KHDRBS2: variants seen among roughly 807,000 people sequenced by gnomAD.
The protein encoded by KHDRBS2 is KH domain-containing, RNA-binding, signal transduction-associated protein 2.
KHDRBS2 carries 26 observed loss-of-function variants against 44.3 expected under a neutral mutation model. The ratio of observed to expected loss-of-function variants is 0.59; its 90% CI spans 0.43 to 0.81. The LOEUF (loss-of-function observed/expected upper bound fraction) is 0.81. Ranked by LOEUF, KHDRBS2 falls within the 40% of genes least tolerant of loss-of-function variation. The pLI, the probability that KHDRBS2 is intolerant of heterozygous loss-of-function variation, is 0.00. For missense variants in KHDRBS2, 476 were observed against 433.1 expected, an observed-to-expected ratio of 1.10 and a Z score of -0.88; for synonymous variants, 194 against 151.1, an observed-to-expected ratio of 1.28 and a Z score of -2.08.
chr6:61,741,508 T>A (rs958534917), intron 6 of KHDRBS2, among the ~76,000 whole-genome samples: 11 of 151,990 alleles, frequency 7.2e-5, no homozygotes, highest in Non-Finnish European at 1.5e-4. Flanking sequence ...GGGGTACATG[T>A]TGACTTTTGT....
the KHDRBS2 span, among the ~76,000 whole-genome samples, chr6:61,558,101 T>C: frequency 6.6e-6 from 1 of 152,170 alleles, no homozygotes; most frequent in South Asian, 2.1e-4. Flanking sequence ...ACCTTTTGTG[T>C]TGTTTCCTTT....
At chr6:62,082,482 C>T (rs184612994) in intron 2 of KHDRBS2, among the ~76,000 whole-genome samples, 1 of 151,818 alleles carries the variant, frequency 6.6e-6, no homozygotes, top group Non-Finnish European at 1.5e-5. Flanking sequence ...CAGTGGATAC[C>T]CTTCTCCCTC....
the KHDRBS2 span, among the ~76,000 whole-genome samples, chr6:61,550,574 T>C: frequency 6.6e-6 from 1 of 152,130 alleles, no homozygotes; most frequent in African/African-American, 2.4e-5. Flanking sequence ...ATACTTAAAA[T>C]GGGATTGCTG....
intron 6 of KHDRBS2, among the ~76,000 whole-genome samples, chr6:61,848,480 T>C (rs866291426): frequency 9.9e-5 from 5 of 50,502 alleles, no homozygotes; most frequent in African/African-American, 3.9e-4. Context: ...TATATATATA[T>C]ATATATATAT....
At chr6:61,555,160 CT>C in the KHDRBS2 span, among the ~76,000 whole-genome samples, 1 of 152,244 alleles carries the variant, frequency 6.6e-6, no homozygotes, top group African/African-American at 2.4e-5. Context: ...TAAATTGGGT[CT>C]CTTTAAATAA....
chr6:61,980,549 A>G (rs1205073491), intron 3 of KHDRBS2, among the ~76,000 whole-genome samples: 2 of 152,214 alleles, frequency 1.3e-5, no homozygotes, highest in African/African-American at 4.8e-5. Context: ...TTCTTTATAA[A>G]AATTTGTTTT....
At chr6:61,795,936 G>T (rs1785288316) in intron 6 of KHDRBS2, among the ~76,000 whole-genome samples, 1 of 152,002 alleles carries the variant, frequency 6.6e-6, no homozygotes. Context: ...AAGAAAAAAA[G>T]AACAAAGAAC....
chr6:61,867,174 G>A (rs1260394741), intron 6 of KHDRBS2, among the ~76,000 whole-genome samples: 2 of 152,166 alleles, frequency 1.3e-5, no homozygotes, highest in African/African-American at 4.8e-5. Context: ...TAGGTTTAAT[G>A]GATTCACACT....
the KHDRBS2 span, among the ~76,000 whole-genome samples, chr6:61,625,365 T>C: frequency 4.7e-5 from 7 of 147,470 alleles, no homozygotes; most frequent in African/African-American, 7.6e-5. Flanking sequence ...GTGCAGAGAC[T>C]CTGAGGCATT....
At chr6:61,730,604 A>G (rs1774295678) in intron 7 of KHDRBS2, among the ~76,000 whole-genome samples, 2 of 152,120 alleles carry the variant, frequency 1.3e-5, no homozygotes, top group African/African-American at 4.8e-5. Context: ...GGGCAGAAAC[A>G]GATTATTCTC....
At chr6:61,970,557 G>A (rs1477746196) in intron 4 of KHDRBS2, among the ~76,000 whole-genome samples, 1 of 152,090 alleles carries the variant, frequency 6.6e-6, no homozygotes, top group Non-Finnish European at 1.5e-5. Flanking sequence ...TACTGAGAGA[G>A]AACACTTCAC....
intron 2 of KHDRBS2, among the ~76,000 whole-genome samples, chr6:62,056,962 A>T (rs1409543980): frequency 6.6e-6 from 1 of 151,936 alleles, no homozygotes; most frequent in African/African-American, 2.4e-5. Context: ...ATTGAAACCA[A>T]ACTGTGAAGC....
chr6:61,804,392 C>T (rs1786792490), intron 6 of KHDRBS2, among the ~76,000 whole-genome samples: 1 of 152,110 alleles, frequency 6.6e-6, no homozygotes, highest in African/African-American at 2.4e-5. Context: ...CATGGGCTGG[C>T]ATTGAATGTC....
the KHDRBS2 span, among the ~76,000 whole-genome samples, chr6:61,547,831 C>A: frequency 2.7e-3 from 406 of 152,244 alleles, 2 homozygotes; most frequent in African/African-American, 9.3e-3. Context: ...TATATGCATT[C>A]TTCTTCCCCA....
At chr6:62,094,644 T>A (rs1186232883) in intron 2 of KHDRBS2, among the ~76,000 whole-genome samples, 3 of 151,978 alleles carry the variant, frequency 2.0e-5, no homozygotes, top group African/African-American at 7.2e-5. Flanking sequence ...CCTAGGCCAA[T>A]GTCATGGAGC....
chr6:62,140,675 A>G lies in KHDRBS2; in HGVS notation c.219+36510T>C, dbSNP rs577098106. ...AAAGAGATGTTCAAAAAAACCCAGAAGTATTAAGAACCTCTGTTATTGAGT... is the reference window on the plus strand; with the variant it reads ...AAAGAGATGTTCAAAAAAACCCAGAGGTATTAAGAACCTCTGTTATTGAGT... On this transcript the variant is annotated intron_variant, in intron 2 of 8. Coordinates refer to ENST00000281156, the MANE Select transcript of KHDRBS2 (RefSeq NM_152688.4). Among the ~76,000 whole-genome samples, 41 of 152,332 alleles carry G rather than the reference A, an allele frequency of 2.7e-4. No individual in the cohort carries two copies. In the South Asian group the frequency reaches 6.2e-3, roughly 23 times the overall value.
intron 3 of KHDRBS2, among the ~76,000 whole-genome samples, chr6:62,007,832 A>C (rs952206491): frequency 1.3e-5 from 2 of 152,162 alleles, no homozygotes; most frequent in Non-Finnish European, 2.9e-5. Context: ...TGATATATTT[A>C]TAAAGGCGTA....
At chr6:62,059,021 C>G (rs187954824) in intron 2 of KHDRBS2, among the ~76,000 whole-genome samples, 80 of 151,322 alleles carry the variant, frequency 5.3e-4, no homozygotes, top group African/African-American at 1.9e-3. Flanking sequence ...TATGAAAGAA[C>G]CAAATATAAA....
At chr6:62,200,595 G>A (rs1391129465) in intron 1 of KHDRBS2, among the ~76,000 whole-genome samples, 3 of 152,210 alleles carry the variant, frequency 2.0e-5, no homozygotes, top group Admixed American at 6.5e-5. Flanking sequence ...ATAGGTGCTG[G>A]AGAGGATGTG....
Sources: allele counts gnomAD v4.1 joint callset (sites outside exome capture counted in the v4.1 genomes callset), GRCh38; gene constraint gnomAD v4.1.1; transcripts MANE v1.5; gene names NCBI Gene and HGNC (gene_info 2026-07-23, HGNC 2026-07-21).